The following EPHA3 variants were observed in gnomAD, a reference collection of about 807,000 sequenced individuals.
The protein encoded by EPHA3 is ephrin type-A receptor 3.
Under a neutral mutation model 107.1 loss-of-function variants are expected in EPHA3, and 42 were observed. That is an observed-to-expected ratio of 0.39 (90% CI 0.31 to 0.51). The LOEUF is 0.51. EPHA3 is among the 20% of genes least tolerant of loss of function. EPHA3 has a pLI of 0.78. For synonymous variants in EPHA3, 461 were observed against 424.8 expected, an observed-to-expected ratio of 1.09 and a Z score of -1.05; for missense variants, 1,183 against 1,211.2, an observed-to-expected ratio of 0.98 and a Z score of 0.35.
intron 3 of EPHA3, among the ~76,000 whole-genome samples, chr3:89,308,639 T>C (rs927745948): frequency 6.6e-6 from 1 of 151,694 alleles, no homozygotes. Context: ...AATTTGCAAC[T>C]ACAGATTTTG....
At chr3:89,236,870 G>A (rs892301580) in intron 3 of EPHA3, among the ~76,000 whole-genome samples, 4 of 152,172 alleles carry the variant, frequency 2.6e-5, no homozygotes, top group Non-Finnish European at 4.4e-5. Flanking sequence ...AGCCCAGTGT[G>A]TAGGGAGACA....
In EPHA3 at chr3:89,480,642, T is replaced by A; in HGVS notation, c.*1140T>A. The A allele has an allele frequency of 4.3e-6, 1 of 232,400 alleles. No homozygotes were observed. Among genetic ancestry groups the A allele is most frequent in the East Asian group, 6.1e-5 (1 of 16,412 alleles). 14.4% of individuals were successfully genotyped at this position (232,400 alleles called of 1,614,324 possible). On this transcript the variant is annotated 3_prime_UTR_variant, in exon 17 of 17. Transcript: ENST00000336596. ...AGTAAAAAAAAAAACAATTACTGGC[T>A]CACTGGCTTTGAAAAGTCACTTACT...
At chr3:89,212,587 A>G (rs1323328499) in intron 3 of EPHA3, among the ~76,000 whole-genome samples, 1 of 72,872 alleles carries the variant, frequency 1.4e-5, no homozygotes, top group Non-Finnish European at 2.7e-5. Context: ...CCAAGGAAAC[A>G]TCATGATTTT....
Position 89,176,267 on chromosome 3 carries a change from C to T in EPHA3, c.154-33593C>T, listed in dbSNP as rs146285258. On this transcript the variant is annotated intron_variant, in intron 2 of 16. Coordinates refer to ENST00000336596, the MANE Select transcript of EPHA3 (RefSeq NM_005233.6). ...GAGGCGGAGGCAGGAGGATCACCTG[C>T]GGTCAGGAGATCGAGACCAGCCTGG... Among the ~76,000 whole-genome samples, 1,180 of 151,864 alleles carry T rather than the reference C, an allele frequency of 7.8e-3. 12 individuals are homozygous for T. The highest frequency in any genetic ancestry group is 0.027 in the African/African-American group (1,114 of 41,406).
At chr3:89,173,735 C>T (rs565723811) in intron 2 of EPHA3, among the ~76,000 whole-genome samples, 5 of 151,946 alleles carry the variant, frequency 3.3e-5, no homozygotes, top group Non-Finnish European at 7.4e-5. Context: ...TAATATGAGT[C>T]AGGCTGACTC....
At chr3:89,294,301 C>A (rs1706291843) in intron 3 of EPHA3, among the ~76,000 whole-genome samples, 1 of 152,140 alleles carries the variant, frequency 6.6e-6, no homozygotes, top group Non-Finnish European at 1.5e-5. Flanking sequence ...AAATAACCAT[C>A]CTTTCTCTAT....
At chr3:89,168,999 C>T (rs1215200913) in intron 2 of EPHA3, among the ~76,000 whole-genome samples, 29 of 152,076 alleles carry the variant, frequency 1.9e-4, no homozygotes, top group Admixed American at 1.8e-3. Flanking sequence ...ACAATATATT[C>T]GCATTTTTCA....
At chr3:89,330,645 C>T (rs1012011369) in intron 3 of EPHA3, among the ~76,000 whole-genome samples, 1 of 152,010 alleles carries the variant, frequency 6.6e-6, no homozygotes, top group African/African-American at 2.4e-5. Flanking sequence ...AATGATGTCA[C>T]CATTTTTCAA....
chr3:89,266,557 T>C (rs964053144), intron 3 of EPHA3, among the ~76,000 whole-genome samples: 3 of 152,024 alleles, frequency 2.0e-5, no homozygotes, highest in Admixed American at 6.6e-5. Context: ...TTTTTTAAAG[T>C]AAATATTTAT....
intron 1 of EPHA3, among the ~76,000 whole-genome samples, chr3:89,118,878 A>T (rs1279939900): frequency 6.6e-6 from 1 of 152,014 alleles, no homozygotes; most frequent in Non-Finnish European, 1.5e-5. Context: ...TATAACATAG[A>T]TATGAAAATT....
intron 5 of EPHA3, among the ~76,000 whole-genome samples, chr3:89,372,186 T>G (rs1392724405): frequency 6.6e-6 from 1 of 151,560 alleles, no homozygotes; most frequent in African/African-American, 2.4e-5. Flanking sequence ...TTGGAACCAG[T>G]CAGCCTCAGT....
At chr3:89,123,462 C>T (rs902399165) in intron 1 of EPHA3, among the ~76,000 whole-genome samples, 77 of 151,912 alleles carry the variant, frequency 5.1e-4, no homozygotes, top group African/African-American at 1.7e-3. Flanking sequence ...GTTTTTACTC[C>T]TTTACTCCAT....
chr3:89,329,042 A>AT (rs1707233892), intron 3 of EPHA3, among the ~76,000 whole-genome samples: 2 of 152,146 alleles, frequency 1.3e-5, no homozygotes, highest in African/African-American at 4.8e-5. Flanking sequence ...TTTAGGTCTC[A>AT]TTTTTTTGCA....
At chr3:89,358,345 G>A (rs1708011522) in intron 5 of EPHA3, among the ~76,000 whole-genome samples, 1 of 150,914 alleles carries the variant, frequency 6.6e-6, no homozygotes, top group Non-Finnish European at 1.5e-5. Flanking sequence ...AGCAGTAAAT[G>A]TGGTCTAAAA....
At chr3:89,157,116 T>C (rs1704825188) in intron 2 of EPHA3, among the ~76,000 whole-genome samples, 1 of 151,938 alleles carries the variant, frequency 6.6e-6, no homozygotes, top group Non-Finnish European at 1.5e-5. Context: ...AAGAATGAAA[T>C]TGTGATGAAG....
intron 3 of EPHA3, among the ~76,000 whole-genome samples, chr3:89,282,320 A>G (rs1317413661): frequency 6.6e-6 from 1 of 152,192 alleles, no homozygotes; most frequent in Non-Finnish European, 1.5e-5. Flanking sequence ...CACATACTAT[A>G]TGCCAGACTT....
intron 3 of EPHA3, among the ~76,000 whole-genome samples, chr3:89,305,353 CT>C (rs1214474410): frequency 6.6e-6 from 1 of 152,116 alleles, no homozygotes; most frequent in African/African-American, 2.4e-5. Flanking sequence ...ATCATGCCAT[CT>C]GTTAGCAAAA....
At chr3:89,280,737 C>T (rs776426343) in intron 3 of EPHA3, among the ~76,000 whole-genome samples, 1 of 152,032 alleles carries the variant, frequency 6.6e-6, no homozygotes, top group Non-Finnish European at 1.5e-5. Flanking sequence ...ACAATCATAC[C>T]TATTATGTGA....
intron 1 of EPHA3, among the ~76,000 whole-genome samples, chr3:89,124,347 C>G (rs1014664795): frequency 1.3e-5 from 2 of 152,084 alleles, no homozygotes; most frequent in African/African-American, 4.8e-5. Context: ...TTTCTTACCT[C>G]AATTATGCTG....
Sources: allele counts gnomAD v4.1 joint callset (sites outside exome capture counted in the v4.1 genomes callset), GRCh38; gene constraint gnomAD v4.1.1; transcripts MANE v1.5; gene names NCBI Gene and HGNC (gene_info 2026-07-23, HGNC 2026-07-21).